PRTFDC1: variants seen among roughly 807,000 people sequenced by gnomAD.
PRTFDC1 encodes the protein phosphoribosyltransferase domain-containing protein 1.
Under a neutral mutation model 34.6 loss-of-function variants are expected in PRTFDC1, and 38 were observed. The ratio of observed to expected loss-of-function variants is 1.10; its 90% CI spans 0.85 to 1.44. The LOEUF (loss-of-function observed/expected upper bound fraction) is 1.44, where lower values mean the gene tolerates loss of function less well. PRTFDC1 is among the 40% of genes most tolerant of loss of function. PRTFDC1 has a pLI of 0.00. For missense variants in PRTFDC1, 270 were observed against 283.0 expected (o/e 0.95, Z 0.33); for synonymous variants, 93 against 98.1 (o/e 0.95, Z 0.31).
intron 3 of PRTFDC1, among the ~76,000 whole-genome samples, chr10:24,930,049 G>A (rs1168148538): frequency 6.6e-6 from 1 of 151,110 alleles, no homozygotes; most frequent in Non-Finnish European, 1.5e-5. Context: ...GCGAGACCCT[G>A]CCTCTAAACA....
intron 5 of PRTFDC1, among the ~76,000 whole-genome samples, chr10:24,858,186 T>C (rs1008931294): frequency 2.6e-5 from 4 of 152,156 alleles, no homozygotes; most frequent in African/African-American, 9.7e-5. Flanking sequence ...AAGGATAAAG[T>C]CGCCCACAAA....
At chr10:24,871,841 T>C (rs561753330) in intron 4 of PRTFDC1, among the ~76,000 whole-genome samples, 157 bp downstream of exon 4, 3 of 152,236 alleles carry the variant, frequency 2.0e-5, no homozygotes, top group East Asian at 1.9e-4. Context: ...AAGAATGTTT[T>C]AGAAAGGGGA....
At chr10:24,918,014 C>T (rs1848723442) in intron 3 of PRTFDC1, among the ~76,000 whole-genome samples, 1 of 152,104 alleles carries the variant, frequency 6.6e-6, no homozygotes, top group African/African-American at 2.4e-5. Context: ...TCTTCAGTTT[C>T]CTGCAATAGT....
intron 4 of PRTFDC1, among the ~76,000 whole-genome samples, chr10:24,863,521 C>T (rs1221651935): frequency 1.3e-5 from 2 of 152,292 alleles, no homozygotes; most frequent in Admixed American, 6.5e-5. Context: ...GCTAACACAA[C>T]ATCCATTTTG....
chr10:24,909,533 G>A (rs1194672536), intron 3 of PRTFDC1, among the ~76,000 whole-genome samples: 1 of 152,074 alleles, frequency 6.6e-6, no homozygotes, highest in African/African-American at 2.4e-5. Flanking sequence ...GATGCAGAGA[G>A]TATCAGCAAA....
chr10:24,930,615 A>G (rs4748991), intron 3 of PRTFDC1, among the ~76,000 whole-genome samples: 52,871 of 151,902 alleles, frequency 0.35, 11,312 homozygotes, highest in African/African-American at 0.6. Flanking sequence ...GAGACTGTAC[A>G]CTCCAGTGGT....
chr10:24,898,613 A>G (rs1337776878), intron 3 of PRTFDC1, among the ~76,000 whole-genome samples: 2 of 151,966 alleles, frequency 1.3e-5, no homozygotes, highest in Non-Finnish European at 1.5e-5. Flanking sequence ...CTTCTCCTCC[A>G]TCTTTAGGCT....
At chr10:24,892,589 T>G (rs1848283614) in intron 3 of PRTFDC1, among the ~76,000 whole-genome samples, 1 of 152,138 alleles carries the variant, frequency 6.6e-6, no homozygotes, top group Non-Finnish European at 1.5e-5. Flanking sequence ...TCCTGATTCT[T>G]ACGGGAAAAT....
At chr10:24,869,262 T>A (rs1847837945) in intron 4 of PRTFDC1, among the ~76,000 whole-genome samples, 1 of 152,068 alleles carries the variant, frequency 6.6e-6, no homozygotes, top group African/African-American at 2.4e-5. Context: ...TTATTTCTTA[T>A]GAAAATGGCT....
intron 3 of PRTFDC1, among the ~76,000 whole-genome samples, chr10:24,900,321 G>C (rs185149026): frequency 3.9e-4 from 59 of 152,380 alleles, no homozygotes; most frequent in Non-Finnish European, 4.3e-4. Flanking sequence ...TTAGCTCTGG[G>C]TGTGTAGCTT....
intron 4 of PRTFDC1, chr10:24,867,521 A>G (rs1264124915): frequency 6.6e-6 from 1 of 152,064 alleles, no homozygotes; most frequent in Non-Finnish European, 1.5e-5. Flanking sequence ...CTTTCAATGT[A>G]TTCTACACAT....
chr10:24,898,757 T>C (rs1250508380), intron 3 of PRTFDC1, among the ~76,000 whole-genome samples: 2 of 152,200 alleles, frequency 1.3e-5, no homozygotes, highest in East Asian at 1.9e-4. Flanking sequence ...TGGCCAAGTA[T>C]ACGTGTACCA....
At chr10:24,915,532 G>A (rs527653769) in intron 3 of PRTFDC1, among the ~76,000 whole-genome samples, 1 of 152,172 alleles carries the variant, frequency 6.6e-6, no homozygotes, top group Non-Finnish European at 1.5e-5. Context: ...ATAACTGGGT[G>A]TCCAGAGAGG....
chr10:24,950,834 A>G (rs1181452834), intron 1 of PRTFDC1, among the ~76,000 whole-genome samples: 1 of 152,104 alleles, frequency 6.6e-6, no homozygotes, highest in African/African-American at 2.4e-5. Context: ...GCACTCCCGA[A>G]CATTACATAT....
intron 3 of PRTFDC1, among the ~76,000 whole-genome samples, chr10:24,919,491 A>T (rs1160098255): frequency 1.3e-5 from 2 of 152,222 alleles, no homozygotes; most frequent in Non-Finnish European, 2.9e-5. Context: ...CTCCAGATGG[A>T]TTAAAGACTT....
intron 3 of PRTFDC1, among the ~76,000 whole-genome samples, chr10:24,935,198 G>A (rs142724766): frequency 1.4e-4 from 21 of 152,058 alleles, no homozygotes; most frequent in Non-Finnish European, 2.6e-4. Context: ...GCATGTAAAC[G>A]GTGGCTCAAT....
Position 24,936,055 on chromosome 10 carries a change from C to CAT in PRTFDC1, c.339+1128_339+1129insAT, listed in dbSNP as rs908158864. Among the ~76,000 whole-genome samples, 4 of 152,240 alleles carry CAT rather than the reference C, an allele frequency of 2.6e-5. 1 individual carries two copies. Among genetic ancestry groups the CAT allele is most frequent in the Admixed American group, 6.5e-5 (1 of 15,278 alleles). ...AATACACGTGTATGTTGGTTTAAGC[C>CAT]ACTACGTTTGTGGTGAGTTTGCCAC... On this transcript the variant is annotated intron_variant, in intron 3 of 8. Transcript: ENST00000320152.
intron 3 of PRTFDC1, among the ~76,000 whole-genome samples, chr10:24,934,248 GAGAAGA>G (rs200367106): frequency 0.29 from 28,092 of 96,804 alleles, 3,959 homozygotes; most frequent in African/African-American, 0.52. Flanking sequence ...GAAGAAGAAG[GAGAAGA>G]AGAAGAAGAA....
At chr10:24,950,421 C>T (rs943494082) in intron 1 of PRTFDC1, among the ~76,000 whole-genome samples, 11 of 152,102 alleles carry the variant, frequency 7.2e-5, no homozygotes, top group African/African-American at 2.4e-4. Flanking sequence ...TGTTGGTGCT[C>T]AGAAAGTTTC....
Sources: allele counts gnomAD v4.1 joint callset (sites outside exome capture counted in the v4.1 genomes callset), GRCh38; gene constraint gnomAD v4.1.1; transcripts MANE v1.5; gene names NCBI Gene and HGNC (gene_info 2026-07-23, HGNC 2026-07-21).